Variants in DUS2 observed in about 807,000 individuals in gnomAD.
DUS2 encodes dihydrouridine synthase 2, also known as tRNA-dihydrouridine(20) synthase [NAD(P)+]-like.
DUS2 carries 52 observed loss-of-function variants against 71.3 expected under a neutral mutation model. That is an observed-to-expected ratio of 0.73 (90% confidence interval 0.58 to 0.92). DUS2 has a LOEUF of 0.92. Ranked by LOEUF, DUS2 falls within the 40% of genes least tolerant of loss-of-function variation. The pLI is 0.00. For synonymous variants in DUS2, 204 were observed against 227.8 expected, an observed-to-expected ratio of 0.90 and a Z score of 0.94; for missense variants, 558 against 622.6, an observed-to-expected ratio of 0.90 and a Z score of 1.10.
chr16:68,041,642 G>A (rs2033626418), intron 3 of DUS2, among the ~76,000 whole-genome samples: 1 of 151,916 alleles, frequency 6.6e-6, no homozygotes, highest in African/African-American at 2.4e-5. Flanking sequence ...GTGAAGCTCT[G>A]TCTCTACTAA....
chr16:68,062,229 T>C (rs1321553686), intron 8 of DUS2, among the ~76,000 whole-genome samples: 1 of 151,956 alleles, frequency 6.6e-6, no homozygotes, highest in Non-Finnish European at 1.5e-5. Context: ...CACGCTGGTC[T>C]TGAACTCCTG....
At position 68,042,589 on chromosome 16, in the gene DUS2, A is replaced by AGCC. The variant is rs1367589431; in HGVS notation, c.126+4441_126+4443dup. On this transcript the variant is annotated intron_variant, in intron 3 of 16. Transcript: ENST00000565263. The stretch of plus-strand genomic sequence containing the variant: ...TCACCCAGGCTGGAGTGCAGTGACC[A>AGCC]GCCTGGAGCTCCTGGGCTCAAGGGA... Among the ~76,000 whole-genome samples, 27 of 152,314 alleles carry AGCC rather than the reference A, an allele frequency of 1.8e-4. No individual in the cohort carries two copies. In the East Asian group the frequency reaches 5.0e-3, roughly 28 times the overall value.
intron 2 of DUS2, among the ~76,000 whole-genome samples, chr16:68,032,836 G>A (rs1011961650): frequency 6.7e-6 from 1 of 150,316 alleles, no homozygotes; most frequent in African/African-American, 2.5e-5. Context: ...CTGAACCTGG[G>A]AGGTGGAGGT....
intron 3 of DUS2, among the ~76,000 whole-genome samples, chr16:68,045,622 A>AG (rs2033689173): frequency 6.6e-6 from 1 of 151,812 alleles, no homozygotes; most frequent in South Asian, 2.1e-4. Flanking sequence ...AAAAAAAAAA[A>AG]AAACATCATC....
chr16:68,074,021 T>C lies in DUS2; in HGVS notation c.811-13T>C, dbSNP rs1189515071. The C allele has an allele frequency of 2.5e-6, 4 of 1,613,870 alleles. No individual in the cohort carries two copies. Among genetic ancestry groups the C allele is most frequent in the East Asian group, 4.5e-5 (2 of 44,860 alleles). On this transcript the variant is annotated splice_polypyrimidine_tract_variant and intron_variant, in intron 12 of 16. Transcript: ENST00000565263. Reference sequence around the variant, plus strand: ...GCCTGCCTGGGCATCAGGCAAGTCATTTCTTTTCTCAGGCGGTGCAGTATG... The same window carrying C: ...GCCTGCCTGGGCATCAGGCAAGTCACTTCTTTTCTCAGGCGGTGCAGTATG...
At chr16:68,039,051 TA>T (rs2014328621) in intron 3 of DUS2, among the ~76,000 whole-genome samples, 1 of 151,256 alleles carries the variant, frequency 6.6e-6, no homozygotes, top group Non-Finnish European at 1.5e-5. Flanking sequence ...AATAAAAATA[TA>T]AAAAATGTAC....
At chr16:68,045,276 T>C (rs1287021661) in intron 3 of DUS2, among the ~76,000 whole-genome samples, 3 of 152,028 alleles carry the variant, frequency 2.0e-5, no homozygotes, top group Admixed American at 6.6e-5. Context: ...TGTGTATATG[T>C]ATGGGTGGGG....
At chr16:68,028,103 A>G (rs896110527) in intron 2 of DUS2, among the ~76,000 whole-genome samples, 5 of 152,154 alleles carry the variant, frequency 3.3e-5, no homozygotes, top group Middle Eastern at 3.2e-3. Flanking sequence ...TGCGTATCAT[A>G]TCTTTGCGTT....
At chr16:68,074,406 G>A (rs966140831) in intron 13 of DUS2, among the ~76,000 whole-genome samples, 1 of 152,190 alleles carries the variant, frequency 6.6e-6, no homozygotes, top group Admixed American at 6.5e-5. Context: ...CAAAGGAAGG[G>A]GATTTTCCAT....
chr16:68,062,784 T>G (rs1207494183), intron 8 of DUS2, among the ~76,000 whole-genome samples: 1 of 150,534 alleles, frequency 6.6e-6, no homozygotes, highest in Non-Finnish European at 1.5e-5. Flanking sequence ...GCTTGTGAAC[T>G]ATAGTCTCTT....
chr16:68,058,433 A>C (rs2033892697), intron 7 of DUS2, among the ~76,000 whole-genome samples: 1 of 151,926 alleles, frequency 6.6e-6, no homozygotes, highest in African/African-American at 2.4e-5. Flanking sequence ...TTGCCATGTT[A>C]GCCAGGCTGG....
chr16:68,075,259 A>T (rs1173741055), intron 13 of DUS2, 96 bp from the exon 14 acceptor site: 1 of 1,246,970 alleles, frequency 8.0e-7, no homozygotes, highest in Non-Finnish European at 1.1e-6. Context: ...TGTATGTGGT[A>T]GAGGAGTTTC....
At chr16:68,037,052 T>C (rs2033540563) in intron 2 of DUS2, among the ~76,000 whole-genome samples, 1 of 152,158 alleles carries the variant, frequency 6.6e-6, no homozygotes, top group Non-Finnish European at 1.5e-5. Context: ...TTATGCTTTT[T>C]GTTTTTTTGC....
At chr16:68,046,294 T>C (rs996126405) in intron 3 of DUS2, among the ~76,000 whole-genome samples, 8 of 152,340 alleles carry the variant, frequency 5.3e-5, no homozygotes, top group Non-Finnish European at 8.8e-5. Flanking sequence ...TGAGAACATA[T>C]GTTATTTGGG....
In DUS2 at chr16:68,031,178, T is replaced by C. The variant is rs545068779; in HGVS notation, c.-19+5684T>C. On this transcript the variant is annotated intron_variant, in intron 2 of 16. Coordinates refer to ENST00000565263, the MANE Select transcript of DUS2 (RefSeq NM_017803.5). ...CTAGGAAACTCATGAACTCTTTTTTTTCTTTTTTGGAGATGAGTCTCGCTC... is the reference window on the plus strand; with the variant it reads ...CTAGGAAACTCATGAACTCTTTTTTCTCTTTTTTGGAGATGAGTCTCGCTC... Among the ~76,000 whole-genome samples the C allele has an allele frequency of 3.3e-5, 5 of 152,326 alleles. No individual in the cohort carries two copies. The South Asian group carries it at 1.0e-3, about 32-fold the overall frequency.
At chr16:68,041,221 A>G (rs1027080976) in intron 3 of DUS2, among the ~76,000 whole-genome samples, 6 of 151,792 alleles carry the variant, frequency 4.0e-5, no homozygotes, top group Non-Finnish European at 7.4e-5. Context: ...ACAAAACAAA[A>G]CAAAACACAA....
At position 68,038,171 on chromosome 16, in the gene DUS2, G is replaced by C. The variant is rs370308611; in HGVS notation, c.126+22G>C. 11 of 1,612,024 alleles carry C rather than the reference G, an allele frequency of 6.8e-6. No homozygotes were observed. In the Middle Eastern group the frequency reaches 6.6e-4, roughly 97 times the overall value. Reference sequence around the variant, plus strand: ...TGAGGTAAGGGGCTCTGATTTTCTGGGTGGGCTTCTCCACAAGTACAGACT... The same window carrying C: ...TGAGGTAAGGGGCTCTGATTTTCTGCGTGGGCTTCTCCACAAGTACAGACT... On this transcript the variant is annotated intron_variant, in intron 3 of 16. Coordinates refer to ENST00000565263, the MANE Select transcript of DUS2 (RefSeq NM_017803.5).
intron 1 of DUS2, 50 bp downstream of exon 1, chr16:68,023,401 G>C: frequency 3.0e-6 from 2 of 659,234 alleles, no homozygotes; most frequent in South Asian, 4.3e-5. Flanking sequence ...GGCCAGCCTT[G>C]GGGAAGGGCG....
intron 2 of DUS2, among the ~76,000 whole-genome samples, chr16:68,033,299 A>G (rs975844035): frequency 6.6e-6 from 1 of 152,132 alleles, no homozygotes; most frequent in African/African-American, 2.4e-5. Flanking sequence ...AGGTTATTTC[A>G]ATAGAAGTCA....
Sources: gnomAD v4.1 joint callset for allele counts (sites outside exome capture counted in the v4.1 genomes callset) on GRCh38, gnomAD v4.1.1 for gene constraint, MANE v1.5 for transcripts, NCBI Gene and HGNC (gene_info 2026-07-23, HGNC 2026-07-21) for gene names.